Variants in DENND2A observed in about 807,000 individuals in gnomAD.
The protein encoded by DENND2A is DENN domain-containing protein 2A.
Under a neutral mutation model 105.3 loss-of-function variants are expected in DENND2A, and 53 were observed. The observed-to-expected ratio is 0.50, with a 90% CI of 0.40 to 0.63. The LOEUF (loss-of-function observed/expected upper bound fraction) is 0.63. Among genes scored for constraint, DENND2A ranks in the 30% least tolerant of loss-of-function variants. The pLI, the probability that DENND2A is intolerant of heterozygous loss-of-function variation, is 0.00. For missense variants in DENND2A, 1,138 were observed against 1,279.6 expected, an observed-to-expected ratio of 0.89 and a Z score of 1.69; for synonymous variants, 522 against 508.4, an observed-to-expected ratio of 1.03 and a Z score of -0.36.
intron 4 of DENND2A, 30 bp from the exon 5 acceptor site, chr7:140,585,740 T>C: frequency 6.2e-7 from 1 of 1,613,942 alleles, no homozygotes; most frequent in Non-Finnish European, 8.5e-7. Context: ...GTCAGGAACC[T>C]GGGAACACTG....
intron 14 of DENND2A, among the ~76,000 whole-genome samples, chr7:140,532,306 A>G (rs1796299613): frequency 6.6e-6 from 1 of 152,166 alleles, no homozygotes; most frequent in Non-Finnish European, 1.5e-5. Context: ...AAATCCCTGC[A>G]TGAAGGTATT....
At chr7:140,600,420 C>T (rs1044775912) in intron 3 of DENND2A, among the ~76,000 whole-genome samples, 2 of 151,748 alleles carry the variant, frequency 1.3e-5, no homozygotes, top group East Asian at 3.9e-4. Context: ...GGGATAGGTT[C>T]GGGGTGTGCT....
chr7:140,617,595 TC>T (rs1271211510), intron 1 of DENND2A, among the ~76,000 whole-genome samples: 5 of 151,946 alleles, frequency 3.3e-5, no homozygotes, highest in African/African-American at 1.2e-4. Flanking sequence ...GCACCTGTAA[TC>T]CCAGCTACTC....
intron 3 of DENND2A, among the ~76,000 whole-genome samples, chr7:140,593,810 T>C (rs1799164165): frequency 6.6e-6 from 1 of 152,114 alleles, no homozygotes; most frequent in Non-Finnish European, 1.5e-5. Flanking sequence ...AAGACCTCAC[T>C]GTTTCTCCCC....
At position 140,574,018 on chromosome 7, in the gene DENND2A, A is replaced by G; in HGVS notation, c.1246-10T>C. On this transcript the variant is annotated splice_polypyrimidine_tract_variant and intron_variant, in intron 5 of 19. Coordinates refer to ENST00000496613, the MANE Select transcript of DENND2A (RefSeq NM_015689.5). The stretch of plus-strand genomic sequence containing the variant: ...GTTTGGACAATGACTGCTGTGAAGG[A>G]AAAGGAGAAAAGAAGAGTAAATGAA... 1 of 1,614,028 alleles carries G rather than the reference A, an allele frequency of 6.2e-7. No individual in the cohort carries two copies. Among genetic ancestry groups the G allele is most frequent in the Non-Finnish European group, 8.5e-7 (1 of 1,179,930 alleles).
intron 1 of DENND2A, among the ~76,000 whole-genome samples, chr7:140,607,409 G>C (rs1299088761): frequency 6.6e-6 from 1 of 152,062 alleles, no homozygotes; most frequent in African/African-American, 2.4e-5. Flanking sequence ...GAAGGGAACA[G>C]ACACATCTGC....
At chr7:140,613,590 C>A (rs1293868669) in intron 1 of DENND2A, among the ~76,000 whole-genome samples, 1 of 150,930 alleles carries the variant, frequency 6.6e-6, no homozygotes, top group Admixed American at 6.6e-5. Context: ...ACAGCAAGAT[C>A]CCACCTCCTA....
chr7:140,556,121 G>A (rs774419454), intron 11 of DENND2A, among the ~76,000 whole-genome samples: 6 of 152,030 alleles, frequency 3.9e-5, no homozygotes, highest in Non-Finnish European at 7.4e-5. Context: ...AGATTCAAGC[G>A]ATTCTCCTGC....
chr7:140,538,458 G>A (rs1183175940), intron 14 of DENND2A, among the ~76,000 whole-genome samples: 1 of 152,072 alleles, frequency 6.6e-6, no homozygotes, highest in Admixed American at 6.6e-5. Flanking sequence ...AGGAGTACTG[G>A]GGATGAGGGT....
intron 1 of DENND2A, among the ~76,000 whole-genome samples, chr7:140,624,280 G>A (rs1377218838): frequency 6.6e-6 from 1 of 152,126 alleles, no homozygotes; most frequent in Non-Finnish European, 1.5e-5. Flanking sequence ...GGGTTACTGG[G>A]AACCCAGCCT....
At chr7:140,595,486 A>G (rs1799245320) in intron 3 of DENND2A, among the ~76,000 whole-genome samples, 1 of 152,078 alleles carries the variant, frequency 6.6e-6, no homozygotes, top group African/African-American at 2.4e-5. Flanking sequence ...GCTTGGCTAC[A>G]GGCCAGGTGT....
rs1227133441 is a variant in DENND2A at position 140,527,094 on chromosome 7, A to C, written c.2505+224T>G. 1.3e-5 allele frequency among the ~76,000 whole-genome samples: 2 copies of C among 152,160 alleles called. No individual in the cohort carries two copies. The highest frequency in any genetic ancestry group is 3.9e-4 in the East Asian group (2 of 5,180). On this transcript the variant is annotated intron_variant, in intron 15 of 19. Transcript: ENST00000496613. This position sits in a 1 kb window ranked among gnomAD's most constrained non-coding sequence, Gnocchi z 4.9. ...GCTGACCTTCTCAAGAGGTGCTCATACCAGGCATTTCATTTGGAAGGGAAA... is the reference window on the plus strand; with the variant it reads ...GCTGACCTTCTCAAGAGGTGCTCATCCCAGGCATTTCATTTGGAAGGGAAA...
chr7:140,541,888 C>G (rs1279588472), intron 14 of DENND2A, among the ~76,000 whole-genome samples: 1 of 152,180 alleles, frequency 6.6e-6, no homozygotes, highest in Non-Finnish European at 1.5e-5. Context: ...TGACCAGATG[C>G]GGCGCATGAG....
intron 1 of DENND2A, among the ~76,000 whole-genome samples, chr7:140,622,055 T>C (rs1475773746): frequency 6.6e-6 from 1 of 152,152 alleles, no homozygotes; most frequent in East Asian, 1.9e-4. Flanking sequence ...GTGTAGACTT[T>C]CTGAAAGCTG....
rs1248708251 is a variant in DENND2A, at chr7:140,558,128, G to A, written c.1959+15C>T. ...TCCACGAGGCTCTTGCAGGCTGAAAGCAGAATGTACTCACCAGCAGTCTTC... is the reference window on the plus strand; with the variant it reads ...TCCACGAGGCTCTTGCAGGCTGAAAACAGAATGTACTCACCAGCAGTCTTC... On this transcript the variant is annotated intron_variant, in intron 11 of 19. Transcript: ENST00000496613. 6.2e-7 allele frequency: 1 copy of A among 1,611,370 alleles called. No homozygotes were observed. The highest frequency in any genetic ancestry group is 2.2e-5 in the East Asian group (1 of 44,850).
chr7:140,616,569 T>C (rs889307040), intron 1 of DENND2A, among the ~76,000 whole-genome samples: 10 of 152,160 alleles, frequency 6.6e-5, no homozygotes, highest in Non-Finnish European at 1.5e-4. Context: ...ATATGCTTTA[T>C]GAGAGTCAAT....
chr7:140,591,694 C>CTCT (rs1799032909), intron 3 of DENND2A, among the ~76,000 whole-genome samples: 1 of 94,396 alleles, frequency 1.1e-5, no homozygotes, highest in African/African-American at 5.7e-5. Context: ...TCTTTCTTTC[C>CTCT]TTCCTTCCTT....
intron 1 of DENND2A, among the ~76,000 whole-genome samples, chr7:140,618,939 T>C (rs1800183236): frequency 4.6e-5 from 7 of 152,008 alleles, no homozygotes; most frequent in Admixed American, 4.6e-4. Flanking sequence ...GCTGGGACTA[T>C]AGGCGCCCGC....
Position 140,598,989 on chromosome 7 carries a change from AACTG to A in DENND2A, c.995+2410_995+2413del, listed in dbSNP as rs1173379425. On this transcript the variant is annotated intron_variant, in intron 3 of 19. Transcript: ENST00000496613. ...TATATATAGGAAGTCCAAGAGGATC[AACTG>A]ACTAATTATTAGCAACATTAAGAAC... 3.9e-5 allele frequency among the ~76,000 whole-genome samples: 6 copies of A among 152,294 alleles called. No homozygotes were observed. The East Asian group carries it at 7.7e-4, about 20-fold the overall frequency.
Sources: allele counts gnomAD v4.1 joint callset (sites outside exome capture counted in the v4.1 genomes callset), GRCh38; gene constraint gnomAD v4.1.1; non-coding constraint Gnocchi (gnomAD v3.1); transcripts MANE v1.5; gene names NCBI Gene and HGNC (gene_info 2026-07-23, HGNC 2026-07-21).